The following RPS6KC1 variants were observed in gnomAD, a reference collection of about 807,000 sequenced individuals.
RPS6KC1 encodes ribosomal protein S6 kinase C1.
In RPS6KC1, 54 loss-of-function variants were observed where a neutral mutation model predicts 103.8. That is an observed-to-expected ratio of 0.52 (90% CI 0.42 to 0.65). The LOEUF is 0.65. Ranked by LOEUF, RPS6KC1 falls within the 30% of genes least tolerant of loss-of-function variation. The pLI, the probability that RPS6KC1 is intolerant of heterozygous loss-of-function variation, is 0.00. For synonymous variants in RPS6KC1, 439 were observed against 438.7 expected (o/e 1.00, Z -0.01); for missense variants, 1,151 against 1,253.8 (o/e 0.92, Z 1.24).
the RPS6KC1 span, among the ~76,000 whole-genome samples, chr1:213,590,362 C>T: frequency 1.3e-5 from 2 of 152,090 alleles, no homozygotes; most frequent in Non-Finnish European, 2.9e-5. Context: ...AGAAATTCAG[C>T]GTCTGAAAAT....
chr1:213,761,913 C>CTT, the RPS6KC1 span, among the ~76,000 whole-genome samples: 4 of 151,706 alleles, frequency 2.6e-5, no homozygotes, highest in East Asian at 1.9e-4. Context: ...GAGTTTAGAT[C>CTT]TTTGATTATT....
chr1:213,752,856 CCCTGCTATGTTATAATCCA>C, the RPS6KC1 span, among the ~76,000 whole-genome samples: 1 of 152,112 alleles, frequency 6.6e-6, no homozygotes, highest in South Asian at 2.1e-4. Flanking sequence ...AGACTCCTTC[CCCTGCTATGTTATAATCCA>C]CTTCCAAGCC....
the RPS6KC1 span, among the ~76,000 whole-genome samples, chr1:213,729,766 ATTG>A: frequency 6.6e-6 from 1 of 151,784 alleles, no homozygotes; most frequent in East Asian, 1.9e-4. Flanking sequence ...GCCCAAATGA[ATTG>A]TTATTTTTTT....
the RPS6KC1 span, among the ~76,000 whole-genome samples, chr1:213,849,074 A>G: frequency 6.6e-6 from 1 of 152,164 alleles, no homozygotes; most frequent in Admixed American, 6.5e-5. Flanking sequence ...TGGCACAGAG[A>G]GGGAATGAGG....
the RPS6KC1 span, among the ~76,000 whole-genome samples, chr1:213,351,425 A>G: frequency 1.7e-4 from 26 of 152,354 alleles, no homozygotes; most frequent in Admixed American, 2.0e-4. Flanking sequence ...TTTGGAGCCA[A>G]TGCAAAGAAG....
At chr1:213,720,891 G>T in the RPS6KC1 span, among the ~76,000 whole-genome samples, 39 of 152,214 alleles carry the variant, frequency 2.6e-4, no homozygotes, top group Non-Finnish European at 5.1e-4. Context: ...AGCACAGGTA[G>T]ATCTCCCAAT....
intron 8 of RPS6KC1, among the ~76,000 whole-genome samples, chr1:213,210,084 G>T (rs1447923751): frequency 6.6e-6 from 1 of 151,952 alleles, no homozygotes; most frequent in Non-Finnish European, 1.5e-5. Context: ...TATTAGTGGG[G>T]GTTCTGTGAC....
chr1:213,451,182 A>T, the RPS6KC1 span, among the ~76,000 whole-genome samples: 1 of 152,204 alleles, frequency 6.6e-6, no homozygotes, highest in Non-Finnish European at 1.5e-5. Flanking sequence ...AACAGTTGTC[A>T]CATTTCTACA....
intron 3 of RPS6KC1, among the ~76,000 whole-genome samples, chr1:213,097,098 G>C (rs1251905104): frequency 6.6e-6 from 1 of 152,188 alleles, no homozygotes; most frequent in African/African-American, 2.4e-5. Flanking sequence ...GCTCATACCT[G>C]TAATTCCAGC....
the RPS6KC1 span, among the ~76,000 whole-genome samples, chr1:213,516,590 A>G: frequency 2.0e-5 from 3 of 152,210 alleles, no homozygotes; most frequent in Non-Finnish European, 2.9e-5. Flanking sequence ...CTACTTGATC[A>G]TGGTGGATAA....
chr1:213,534,031 C>G, the RPS6KC1 span, among the ~76,000 whole-genome samples: 68 of 152,204 alleles, frequency 4.5e-4, no homozygotes, highest in Non-Finnish European at 8.8e-4. Flanking sequence ...TTGGCAACCA[C>G]AGAATCTTTA....
At chr1:213,375,783 A>T in the RPS6KC1 span, among the ~76,000 whole-genome samples, 1 of 152,054 alleles carries the variant, frequency 6.6e-6, no homozygotes, top group African/African-American at 2.4e-5. Flanking sequence ...TTTTGTCAGG[A>T]CACTCCTTCT....
the RPS6KC1 span, among the ~76,000 whole-genome samples, chr1:213,687,952 C>T: frequency 6.6e-6 from 1 of 152,228 alleles, no homozygotes; most frequent in East Asian, 1.9e-4. Context: ...GAGTCCACAC[C>T]CCACACCCTT....
At chr1:213,668,578 G>A in the RPS6KC1 span, among the ~76,000 whole-genome samples, 2 of 152,010 alleles carry the variant, frequency 1.3e-5, no homozygotes, top group Non-Finnish European at 2.9e-5. Context: ...CGATCAGTGA[G>A]CATTGGCTTC....
At chr1:213,356,156 G>A in the RPS6KC1 span, among the ~76,000 whole-genome samples, 2 of 152,174 alleles carry the variant, frequency 1.3e-5, no homozygotes, top group Non-Finnish European at 2.9e-5. Flanking sequence ...GAGAGAGGTG[G>A]CAGTTAGTCA....
chr1:213,627,079 G>C, the RPS6KC1 span, among the ~76,000 whole-genome samples: 1 of 152,110 alleles, frequency 6.6e-6, no homozygotes, highest in Non-Finnish European at 1.5e-5. Context: ...TCTTCCATTT[G>C]TTTGTATCCT....
chr1:213,722,333 C>A, the RPS6KC1 span, among the ~76,000 whole-genome samples: 3 of 152,122 alleles, frequency 2.0e-5, no homozygotes, highest in Non-Finnish European at 2.9e-5. Context: ...TTGATTTATG[C>A]TATTCTCTGG....
the RPS6KC1 span, among the ~76,000 whole-genome samples, chr1:213,712,839 G>A: frequency 1.2e-4 from 18 of 151,970 alleles, no homozygotes; most frequent in African/African-American, 3.1e-4. Context: ...TCTGTGGGCT[G>A]TACCCACTGT....
chr1:213,417,806 A>C, the RPS6KC1 span, among the ~76,000 whole-genome samples: 1 of 152,182 alleles, frequency 6.6e-6, no homozygotes, highest in African/African-American at 2.4e-5. Flanking sequence ...GTCATAGAAC[A>C]CACACAGGTG....
Sources: gnomAD v4.1 joint callset for allele counts (sites outside exome capture counted in the v4.1 genomes callset) on GRCh38, gnomAD v4.1.1 for gene constraint, MANE v1.5 for transcripts, NCBI Gene and HGNC (gene_info 2026-07-23, HGNC 2026-07-21) for gene names.